ZYG11A: variants seen among roughly 807,000 people sequenced by gnomAD.
ZYG11A encodes the protein protein zyg-11 homolog A.
In ZYG11A, 62 loss-of-function variants were observed where a neutral mutation model predicts 77.2. The observed-to-expected ratio is 0.80, with a 90% CI of 0.65 to 0.99. ZYG11A has a LOEUF of 0.99. Ranked by LOEUF, ZYG11A falls within the 50% of genes least tolerant of loss-of-function variation. The probability of loss-of-function intolerance (pLI) is 0.00; values close to 1 mark genes in which losing one functional copy is unlikely to be tolerated. For synonymous variants in ZYG11A, 315 were observed against 324.6 expected, an observed-to-expected ratio of 0.97 and a Z score of 0.32; for missense variants, 828 against 896.8, an observed-to-expected ratio of 0.92 and a Z score of 0.98.
chr1:52,863,569 A>G (rs1220877053), intron 4 of ZYG11A, among the ~76,000 whole-genome samples: 1 of 152,102 alleles, frequency 6.6e-6, no homozygotes, highest in East Asian at 1.9e-4. Context: ...TGCGTCTTTT[A>G]TGGTGCTTTT....
chr1:52,881,536 C>T lies in ZYG11A; in HGVS notation c.1815C>T (p.Ile605=). ...TGACCGAAGATGTGCTGAAGCATAT[C>T]AACAGTTTACTCTGTAGCAGGGAAA... ...KLVTEDVLKH[I]NSLLCSREME... Residue 605 remains isoleucine, a synonymous_variant, in exon 11 of 14, where the codon ATC becomes ATT. Coordinates refer to ENST00000371528, the MANE Select transcript of ZYG11A (RefSeq NM_001004339.3). 1.3e-6 allele frequency: 2 copies of T among 1,551,902 alleles called. 1 individual carries two copies. Among genetic ancestry groups the T allele is most frequent in the East Asian group, 4.9e-5 (2 of 40,914 alleles).
intron 1 of ZYG11A, among the ~76,000 whole-genome samples, chr1:52,852,838 A>G (rs930441526): frequency 6.6e-6 from 1 of 152,224 alleles, no homozygotes; most frequent in Non-Finnish European, 1.5e-5. Flanking sequence ...ATTAGCCTAC[A>G]GTCGAGGAAA....
intron 1 of ZYG11A, among the ~76,000 whole-genome samples, chr1:52,847,203 A>G (rs554494183): frequency 1.3e-5 from 2 of 152,206 alleles, no homozygotes; most frequent in South Asian, 4.2e-4. Flanking sequence ...AATAGCTGGG[A>G]TTATAGGTGT....
intron 1 of ZYG11A, among the ~76,000 whole-genome samples, chr1:52,844,769 C>G (rs1239869998): frequency 6.6e-6 from 1 of 151,540 alleles, no homozygotes; most frequent in Non-Finnish European, 1.5e-5. Context: ...GCCCGGCCAG[C>G]AAATATTTTT....
At chr1:52,864,255 GT>G (rs1557440743) in intron 5 of ZYG11A, 98 bp downstream of exon 5, 3 of 1,287,748 alleles carry the variant, frequency 2.3e-6, no homozygotes, top group Admixed American at 2.5e-5. Context: ...ATTTGTTTTT[GT>G]TTTTTTAAAG....
chr1:52,880,066 C>CTTTTTTT (rs10682296), intron 10 of ZYG11A, among the ~76,000 whole-genome samples: 3 of 110,130 alleles, frequency 2.7e-5, no homozygotes, highest in African/African-American at 3.7e-5. Flanking sequence ...ACCCAGCCCA[C>CTTTTTTT]TTTTTTTTTT....
rs1455418921 is a variant in ZYG11A, at chr1:52,857,742, G to A, written c.1001G>A (p.Gly334Asp). 1 of 1,544,448 alleles carries A rather than the reference G, an allele frequency of 6.5e-7. No individual in the cohort carries two copies. Among genetic ancestry groups the A allele is most frequent in the Non-Finnish European group, 8.7e-7 (1 of 1,143,918 alleles). The change falls in exon 3 of 14, where the codon GGC becomes GAC. Residue 334 changes from glycine to aspartate, a missense_variant. Coordinates refer to ENST00000371528, the MANE Select transcript of ZYG11A (RefSeq NM_001004339.3). ...GSSDFFTTKQ[G>D]LRVAGGASMS... is the part of the protein sequence containing the mutation. Reference sequence around the variant, plus strand: ...TCTGACTTCTTTACTACAAAGCAAGGCTTGAGGGTTTGTTCTTATCTGAAT... The same window carrying A: ...TCTGACTTCTTTACTACAAAGCAAGACTTGAGGGTTTGTTCTTATCTGAAT...
intron 2 of ZYG11A, among the ~76,000 whole-genome samples, chr1:52,856,675 C>T (rs1049680626): frequency 2.0e-5 from 3 of 151,468 alleles, no homozygotes; most frequent in Non-Finnish European, 2.9e-5. Flanking sequence ...AGCAAGGTTA[C>T]TGTAGATAAA....
intron 8 of ZYG11A, among the ~76,000 whole-genome samples, chr1:52,871,046 T>G (rs1043973407): frequency 6.6e-6 from 1 of 152,244 alleles, no homozygotes; most frequent in Non-Finnish European, 1.5e-5. Context: ...TTTCACGTAG[T>G]TGAATTCATT....
chr1:52,891,655 C>CTTA (rs1179106003), intron 13 of ZYG11A, among the ~76,000 whole-genome samples: 3 of 151,904 alleles, frequency 2.0e-5, no homozygotes, highest in Non-Finnish European at 4.4e-5. Flanking sequence ...GCTTCAGTAT[C>CTTA]TTATCCCTTT....
chr1:52,893,914 C>G lies in ZYG11A; in HGVS notation c.*957C>G, dbSNP rs1469851184. The G allele has an allele frequency of 6.7e-6, 1 of 148,580 alleles. No homozygotes were observed. Among genetic ancestry groups the G allele is most frequent in the East Asian group, 2.0e-4 (1 of 4,924 alleles). The allele number at this position is 148,580 out of a possible 1,614,324, so 9.2% of individuals were successfully genotyped here. On this transcript the variant is annotated 3_prime_UTR_variant, in exon 14 of 14. Coordinates refer to ENST00000371528, the MANE Select transcript of ZYG11A (RefSeq NM_001004339.3). ...GCAACCTCTGCCTCCCAGGTTCCAG[C>G]AATTCTCCTGCCTCAGCCTCCTGAG...
At chr1:52,871,144 TTTTG>T (rs1392515986) in intron 8 of ZYG11A, among the ~76,000 whole-genome samples, 1 of 152,148 alleles carries the variant, frequency 6.6e-6, no homozygotes, top group Non-Finnish European at 1.5e-5. Context: ...CTTTGTTTTG[TTTTG>T]TTTAAGAGAC....
intron 5 of ZYG11A, among the ~76,000 whole-genome samples, chr1:52,864,455 A>G (rs1379161022): frequency 6.6e-6 from 1 of 152,148 alleles, no homozygotes; most frequent in African/African-American, 2.4e-5. Context: ...CATGTTGGTC[A>G]GGCTGGTCTC....
At position 52,854,582 on chromosome 1, in the gene ZYG11A, T is replaced by C; in HGVS notation, c.208T>C (p.Phe70Leu). The C allele has an allele frequency of 1.9e-6, 3 of 1,549,314 alleles. No homozygotes were observed. The highest frequency in any genetic ancestry group is 2.6e-6 in the Non-Finnish European group (3 of 1,145,256). The change falls in exon 2 of 14, where the codon TTC becomes CTC. Residue 70 changes from phenylalanine to leucine, a missense_variant. Phe to Leu is a conservative substitution (Grantham distance 22). Transcript: ENST00000371528. ...GTLCLPEHWS[F>L]PQEVAERFLR... is the part of the protein sequence containing the mutation. The stretch of plus-strand genomic sequence containing the variant: ...ACTGTGCCTTCCGGAGCATTGGAGT[T>C]TCCCTCAGGAAGTAGCCGAGCGATT...
chr1:52,892,673 C>A, intron 13 of ZYG11A, 109 bp from the exon 14 acceptor site: 1 of 966,398 alleles, frequency 1.0e-6, no homozygotes, highest in Non-Finnish European at 1.5e-6. Context: ...ATTCCTAGGC[C>A]AAAGAGCTTA....
Position 52,859,662 on chromosome 1 carries a change from AT to A in ZYG11A, c.1009-1067del, listed in dbSNP as rs1485498902. Among the ~76,000 whole-genome samples the A allele has an allele frequency of 1.7e-3, 96 of 56,294 alleles. 10 individuals carry two copies. Among genetic ancestry groups the A allele is most frequent in the Admixed American group, 5.9e-3 (27 of 4,582 alleles). 36.9% of individuals were successfully genotyped at this position (56,294 alleles called of 152,430 possible). ...GCTCTTTATTTTTATCTGTTTGTGT[AT>A]TGCCTTTTTTTTTTTTTTTTTTTTT... On this transcript the variant is annotated intron_variant, in intron 3 of 13. Transcript: ENST00000371528.
Position 52,857,519 on chromosome 1 carries a change from C to G in ZYG11A, c.778C>G (p.His260Asp), listed in dbSNP as rs1038468348. The G allele has an allele frequency of 1.3e-6, 2 of 1,552,044 alleles. No individual in the cohort carries two copies. Among genetic ancestry groups the G allele is most frequent in the Admixed American group, 2.0e-5 (1 of 50,982 alleles). The change falls in exon 3 of 14, where the codon CAC becomes GAC. Residue 260 changes from histidine to aspartate, a missense_variant. Physicochemically the swap from His to Asp is moderately conservative, Grantham distance 81. Transcript: ENST00000371528. ...CATTAGAGAACTTAAATGTCTGCTT[C>G]ACCTTGATATTTCTGATCACAGGCA... Reference protein sequence around the residue: ...AVIRELKCLLHLDISDHRQLK... With the variant: ...AVIRELKCLLDLDISDHRQLK...
chr1:52,882,653 A>G (rs1646381668), intron 11 of ZYG11A, among the ~76,000 whole-genome samples: 1 of 152,104 alleles, frequency 6.6e-6, no homozygotes, highest in Admixed American at 6.5e-5. Flanking sequence ...ATGGCTGGGT[A>G]TAGAATTCTA....
chr1:52,846,133 A>G (rs1645572814), intron 1 of ZYG11A, among the ~76,000 whole-genome samples: 1 of 149,242 alleles, frequency 6.7e-6, no homozygotes. Context: ...TCTCCTTCTT[A>G]CTCTTTAATA....
Sources: allele counts gnomAD v4.1 joint callset (sites outside exome capture counted in the v4.1 genomes callset), GRCh38; gene constraint gnomAD v4.1.1; transcripts MANE v1.5; gene names NCBI Gene and HGNC (gene_info 2026-07-23, HGNC 2026-07-21).